Variants in CHD1L observed in about 807,000 individuals in gnomAD.
CHD1L encodes ATP-dependent chromatin remodeler CHD1L.
CHD1L carries 118 observed loss-of-function variants against 115.9 expected under a neutral mutation model. That is an observed-to-expected ratio of 1.02 (90% confidence interval 0.88 to 1.19). The LOEUF is 1.19. Ranked by LOEUF, CHD1L falls within the 50% of genes most tolerant of loss-of-function variation. CHD1L has a pLI of 0.00. For synonymous variants in CHD1L, 411 were observed against 387.1 expected (o/e 1.06, Z -0.72); for missense variants, 1,179 against 1,065.3 (o/e 1.11, Z -1.49).
At chr1:147,224,963 C>G in the CHD1L span, 1 of 1,614,058 alleles carries the variant, frequency 6.2e-7, no homozygotes, top group South Asian at 1.1e-5. Context: ...CCTTCTTCTA[C>G]GCAGCACTTG....
chr1:147,179,281 G>A, the CHD1L span: 3 of 1,609,628 alleles, frequency 1.9e-6, no homozygotes, highest in South Asian at 3.3e-5. Context: ...TGATGAAATA[G>A]TGAATAATGA....
intron 6 of CHD1L, among the ~76,000 whole-genome samples, chr1:147,262,983 TAA>T (rs1553945266): frequency 1.3e-5 from 2 of 152,140 alleles, no homozygotes; most frequent in Admixed American, 6.5e-5. Context: ...ATATATTATT[TAA>T]AAAGTCAAAA....
intron 1 of CHD1L, 116 bp from the exon 2 acceptor site, chr1:147,252,507 G>GT: frequency 2.8e-6 from 2 of 708,468 alleles, no homozygotes; most frequent in Non-Finnish European, 4.7e-6. Flanking sequence ...GATACGTCCA[G>GT]TGAGGTTTAG....
rs587756044 is a variant in CHD1L at position 147,245,548 on chromosome 1, C to T, written c.127+2718C>T. ...CTAGATGTTACTCCTCCAGGCCTTT[C>T]GACAATTTTGTGGTGATCTAATTCC... On this transcript the variant is annotated intron_variant, in intron 1 of 22. Transcript: ENST00000369258. 7.2e-5 allele frequency among the ~76,000 whole-genome samples: 11 copies of T among 152,182 alleles called. No individual in the cohort carries two copies. The South Asian group carries it at 2.1e-3, about 29-fold the overall frequency.
intron 1 of CHD1L, among the ~76,000 whole-genome samples, chr1:147,252,382 A>G (rs1668678929): frequency 6.6e-6 from 1 of 152,222 alleles, no homozygotes. Context: ...TATCAAGTGA[A>G]TCAGGTAACA....
At chr1:147,187,791 T>C in the CHD1L span, among the ~76,000 whole-genome samples, 1 of 152,198 alleles carries the variant, frequency 6.6e-6, no homozygotes. Flanking sequence ...ATGAAATTAT[T>C]ACACCAAGTG....
the CHD1L span, among the ~76,000 whole-genome samples, chr1:147,228,095 G>C: frequency 1.3e-5 from 2 of 151,594 alleles, no homozygotes; most frequent in Admixed American, 6.6e-5. Flanking sequence ...TGCCATGTTG[G>C]TGTGCAGCAC....
the CHD1L span, among the ~76,000 whole-genome samples, chr1:147,235,535 G>T: frequency 1.3e-5 from 2 of 152,082 alleles, no homozygotes; most frequent in Non-Finnish European, 2.9e-5. Context: ...CAATTTGAGG[G>T]GATAGAGGTG....
At chr1:147,242,643 G>T (rs587723590), upstream of CHD1L, 6 of 1,252,016 alleles carry the variant, frequency 4.8e-6, no homozygotes, top group African/African-American at 3.1e-5. Flanking sequence ...GCCCCCGCGC[G>T]TTGGGAAGTT....
the CHD1L span, chr1:147,201,153 T>G: frequency 1.2e-6 from 2 of 1,607,080 alleles, no homozygotes; most frequent in Non-Finnish European, 1.7e-6. Context: ...GTCACTTACC[T>G]TTAAATACCT....
rs145469614 is a variant in CHD1L at position 147,249,796 on chromosome 1, C to G, written c.128-2827C>G. Among the ~76,000 whole-genome samples, 214 of 152,236 alleles carry G rather than the reference C, an allele frequency of 1.4e-3. 2 individuals carry two copies. The highest frequency in any genetic ancestry group is 2.2e-3 in the Non-Finnish European group (148 of 67,996). On this transcript the variant is annotated intron_variant, in intron 1 of 22. Coordinates refer to ENST00000369258, the MANE Select transcript of CHD1L (RefSeq NM_004284.6). ...TTTTCAGCTATTATTTATTTAAGTACTTTTTCAGCCCTATCCTCCTTCACC... is the reference window on the plus strand; with the variant it reads ...TTTTCAGCTATTATTTATTTAAGTAGTTTTTCAGCCCTATCCTCCTTCACC...
chr1:147,262,995 ATG>A (rs1672508148), intron 6 of CHD1L, among the ~76,000 whole-genome samples: 1 of 152,156 alleles, frequency 6.6e-6, no homozygotes, highest in Admixed American at 6.5e-5. Context: ...AAAAGTCAAA[ATG>A]TATATTAAAT....
intron 6 of CHD1L, among the ~76,000 whole-genome samples, chr1:147,264,201 C>T (rs782250646): frequency 6.6e-6 from 1 of 152,172 alleles, no homozygotes; most frequent in African/African-American, 2.4e-5. Flanking sequence ...GTTTTCTTCA[C>T]AGGATTATTG....
At chr1:147,244,741 A>G (rs1190632948) in intron 1 of CHD1L, among the ~76,000 whole-genome samples, 3 of 152,026 alleles carry the variant, frequency 2.0e-5, no homozygotes, top group African/African-American at 7.2e-5. Context: ...TAATGGTTAC[A>G]GTTTTTCAGT....
At chr1:147,225,289 C>T in the CHD1L span, 4 of 834,558 alleles carry the variant, frequency 4.8e-6, no homozygotes, top group Non-Finnish European at 6.8e-6. Flanking sequence ...GATCTCACCG[C>T]CTTTCCTGAA....
chr1:147,235,105 G>A, the CHD1L span, among the ~76,000 whole-genome samples: 150 of 151,952 alleles, frequency 9.9e-4, no homozygotes, highest in African/African-American at 3.4e-3. Context: ...GTGTGTGTGT[G>A]TGTGTGTGTG....
chr1:147,185,065 A>G, the CHD1L span, among the ~76,000 whole-genome samples: 3 of 152,128 alleles, frequency 2.0e-5, no homozygotes, highest in Non-Finnish European at 4.4e-5. Flanking sequence ...AAATTGATGA[A>G]TATTATTAGA....
intron 9 of CHD1L, among the ~76,000 whole-genome samples, chr1:147,268,083 C>A (rs1674654632): frequency 6.6e-6 from 1 of 152,276 alleles, no homozygotes; most frequent in African/African-American, 2.4e-5. Context: ...GCACTTTCGT[C>A]CCTCAGCTTC....
At chr1:147,186,539 A>G in the CHD1L span, 16 of 1,006,094 alleles carry the variant, frequency 1.6e-5, no homozygotes, top group Non-Finnish European at 2.4e-6. Context: ...AAGCGATTTT[A>G]TACCGATGCT....
Sources: allele counts gnomAD v4.1 joint callset (sites outside exome capture counted in the v4.1 genomes callset), GRCh38; gene constraint gnomAD v4.1.1; transcripts MANE v1.5; gene names NCBI Gene and HGNC (gene_info 2026-07-23, HGNC 2026-07-21).